PCDHA4: variants seen among roughly 807,000 people sequenced by gnomAD.
PCDHA4 encodes the protein protocadherin alpha 4.
In PCDHA4, 49 loss-of-function variants were observed where a neutral mutation model predicts 61.4. The ratio of observed to expected loss-of-function variants is 0.80; its 90% CI spans 0.63 to 1.01. The LOEUF is 1.01. PCDHA4 is among the 50% of genes least tolerant of loss of function. The probability of loss-of-function intolerance (pLI) is 0.00; values close to 1 mark genes in which losing one functional copy is unlikely to be tolerated. For missense variants in PCDHA4, 1,254 were observed against 1,235.8 expected (o/e 1.01, Z -0.22); for synonymous variants, 590 against 550.3 (o/e 1.07, Z -1.01).
chr5:140,877,676 G>T (rs781985023), intron 1 of PCDHA4: 1 of 1,613,606 alleles, frequency 6.2e-7, no homozygotes, highest in South Asian at 1.1e-5. Context: ...TGCGCGCCGG[G>T]CAAGCCCACG....
intron 1 of PCDHA4, chr5:140,841,810 A>C (rs2150323152): frequency 5.6e-6 from 9 of 1,613,740 alleles, no homozygotes; most frequent in East Asian, 2.2e-5. Flanking sequence ...CAGATGTTGG[A>C]GCTAACTCCG....
At chr5:140,892,803 A>T (rs1554185373) in intron 1 of PCDHA4, among the ~76,000 whole-genome samples, 1 of 152,174 alleles carries the variant, frequency 6.6e-6, no homozygotes. Context: ...ATTATAGTTA[A>T]CCATATTTAT....
chr5:140,870,052 A>C (rs782520778), intron 1 of PCDHA4: 1 of 1,613,830 alleles, frequency 6.2e-7, no homozygotes, highest in Non-Finnish European at 8.5e-7. Flanking sequence ...GTTTTATAAA[A>C]TTGAAGTACA....
At position 140,807,595 on chromosome 5, in the gene PCDHA4, A is replaced by T. The variant is rs1205314334; in HGVS notation, c.408A>T (p.Thr136=). Residue 136 remains threonine, a synonymous_variant, in exon 1 of 4, where the codon ACA becomes ACT. Coordinates refer to ENST00000530339, the MANE Select transcript of PCDHA4 (RefSeq NM_018907.4). ...INDNPPVFPA[T]QKNLSIAESR... ...ATAACCCGCCGGTGTTCCCAGCAAC[A>T]CAAAAGAACCTGTCCATCGCGGAAT... is the stretch of plus-strand genomic sequence containing the variant. The T allele has an allele frequency of 1.2e-6, 2 of 1,614,194 alleles. No individual in the cohort carries two copies.
At chr5:140,974,264 C>A (rs2096620873) in intron 1 of PCDHA4, among the ~76,000 whole-genome samples, 1 of 152,168 alleles carries the variant, frequency 6.6e-6, no homozygotes, top group African/African-American at 2.4e-5. Flanking sequence ...CCTTTCTGGC[C>A]TTCCAGGGTC....
intron 1 of PCDHA4, chr5:140,926,610 C>A (rs2083401767): frequency 8.5e-6 from 3 of 352,484 alleles, no homozygotes; most frequent in African/African-American, 2.1e-5. Context: ...CTCGTCTCTG[C>A]ACCCCTAGGC....
chr5:140,854,565 T>C (rs2043162230), intron 1 of PCDHA4: 1 of 150,016 alleles, frequency 6.7e-6, no homozygotes, highest in Non-Finnish European at 1.5e-5. Context: ...ATTGTTGCTC[T>C]GTCATTCAGA....
rs371830340 is a variant in PCDHA4 at position 140,947,864 on chromosome 5, C to G, written c.2386-31085C>G. Reference sequence around the variant, plus strand: ...TTTATTTATTTTGTCATTATAATGGCTAGGACTTCCAGGACAATATAAACA... The same window carrying G: ...TTTATTTATTTTGTCATTATAATGGGTAGGACTTCCAGGACAATATAAACA... On this transcript the variant is annotated intron_variant, in intron 1 of 3. Coordinates refer to ENST00000530339, the MANE Select transcript of PCDHA4 (RefSeq NM_018907.4). Among the ~76,000 whole-genome samples the G allele has an allele frequency of 1.4e-4, 21 of 151,554 alleles. No homozygotes were observed. The East Asian group carries it at 2.3e-3, about 17-fold the overall frequency.
intron 1 of PCDHA4, chr5:140,841,428 C>T (rs2150315251): frequency 3.7e-6 from 6 of 1,612,842 alleles, no homozygotes; most frequent in Admixed American, 1.7e-5. Context: ...TACTCCGTCC[C>T]CGAGGAGGCC....
intron 1 of PCDHA4, among the ~76,000 whole-genome samples, chr5:140,932,490 A>G (rs1330943965): frequency 6.6e-6 from 1 of 151,852 alleles, no homozygotes; most frequent in South Asian, 2.1e-4. Context: ...CCTCTTTGCA[A>G]TGTCATTTGT....
chr5:140,824,547 G>T (rs1233636687), intron 1 of PCDHA4: 1 of 183,508 alleles, frequency 5.4e-6, no homozygotes, highest in South Asian at 1.5e-4. Context: ...AAACTCCTGG[G>T]CTCAAGTGAT....
chr5:140,925,917 A>T (rs1480980894), intron 1 of PCDHA4, among the ~76,000 whole-genome samples: 1 of 151,098 alleles, frequency 6.6e-6, no homozygotes, highest in African/African-American at 2.5e-5. Context: ...CCGTTTGCAA[A>T]GCACTCCCAA....
At chr5:141,004,492 A>G (rs2098168083) in intron 3 of PCDHA4, among the ~76,000 whole-genome samples, 2 of 152,230 alleles carry the variant, frequency 1.3e-5, no homozygotes, top group South Asian at 2.1e-4. Context: ...AACTCTTGGC[A>G]GTCCTGCTGT....
intron 1 of PCDHA4, among the ~76,000 whole-genome samples, chr5:140,879,587 G>A (rs904371743): frequency 6.6e-6 from 1 of 152,186 alleles, no homozygotes. Context: ...GACAGACATT[G>A]AAAAGTGAAA....
intron 2 of PCDHA4, chr5:140,982,229 A>C (rs2096972091): frequency 3.2e-6 from 2 of 616,470 alleles, no homozygotes. Context: ...TTAATAAAAA[A>C]CAGAATTGCC....
chr5:140,979,604 A>T (rs1326370777), intron 2 of PCDHA4, among the ~76,000 whole-genome samples: 1 of 152,204 alleles, frequency 6.6e-6, no homozygotes, highest in African/African-American at 2.4e-5. Context: ...AAATTAACCT[A>T]GAGTAACGGT....
chr5:140,953,992 G>A (rs1210096728), intron 1 of PCDHA4, among the ~76,000 whole-genome samples: 3 of 152,034 alleles, frequency 2.0e-5, no homozygotes, highest in Non-Finnish European at 2.9e-5. Context: ...ATTTTCATGT[G>A]TACTCATCAT....
chr5:140,828,554 G>C, intron 1 of PCDHA4: 1 of 1,614,212 alleles, frequency 6.2e-7, no homozygotes. Flanking sequence ...GTTTCCACTG[G>C]AGGGCGCGTC....
In PCDHA4 at chr5:140,923,554, G is replaced by T. The variant is rs117642898; in HGVS notation, c.2386-55395G>T. Among the ~76,000 whole-genome samples the T allele has an allele frequency of 6.2e-4, 95 of 152,226 alleles. No individual in the cohort carries two copies. The East Asian group carries it at 0.017, about 28-fold the overall frequency. On this transcript the variant is annotated intron_variant, in intron 1 of 3. Coordinates refer to ENST00000530339, the MANE Select transcript of PCDHA4 (RefSeq NM_018907.4). ...AAAAAAAGGACAAAATGAAATATCA[G>T]CAATGAAAGGTCCTGCTAAAGAGAA...
Sources: allele counts gnomAD v4.1 joint callset (sites outside exome capture counted in the v4.1 genomes callset), GRCh38; gene constraint gnomAD v4.1.1; transcripts MANE v1.5; gene names NCBI Gene and HGNC (gene_info 2026-07-23, HGNC 2026-07-21).